Variants in USP49 observed in about 807,000 individuals in gnomAD.
USP49 encodes ubiquitin specific peptidase 49.
In USP49, 24 loss-of-function variants were observed where a neutral mutation model predicts 58.6. The ratio of observed to expected loss-of-function variants is 0.41; its 90% CI spans 0.30 to 0.58. The LOEUF is 0.58. Among genes scored for constraint, USP49 ranks in the 20% least tolerant of loss-of-function variants. USP49 has a pLI of 0.30. For synonymous variants in USP49, 408 were observed against 365.1 expected (o/e 1.12, Z -1.34); for missense variants, 703 against 866.1 (o/e 0.81, Z 2.36).
chr6:41,804,152 CTT>C (rs1380854026), intron 4 of USP49, 142 bp from the exon 5 acceptor site: 4 of 701,576 alleles, frequency 5.7e-6, no homozygotes, highest in Non-Finnish European at 9.1e-6. Context: ...ATAAACATAA[CTT>C]TAAAAGAATT....
intron 3 of USP49, among the ~76,000 whole-genome samples, chr6:41,822,725 G>A (rs7748543): frequency 6.6e-6 from 1 of 151,604 alleles, no homozygotes; most frequent in Non-Finnish European, 1.5e-5. Context: ...CGCGCCTGTC[G>A]TCTCAGCTAC....
At chr6:41,798,701 C>G in intron 7 of USP49, 23 bp downstream of exon 7, 7 of 1,613,860 alleles carry the variant, frequency 4.3e-6, no homozygotes, top group Non-Finnish European at 5.9e-6. Flanking sequence ...TGTCCCCCAC[C>G]CCACAGAGTA....
chr6:41,801,675 A>G (rs1772999642), intron 5 of USP49, among the ~76,000 whole-genome samples: 1 of 152,240 alleles, frequency 6.6e-6, no homozygotes, highest in Non-Finnish European at 1.5e-5. Flanking sequence ...TTTCCCTAAA[A>G]TGAAATTCAC....
intron 3 of USP49, among the ~76,000 whole-genome samples, chr6:41,820,272 T>A (rs1034094021): frequency 1.3e-5 from 2 of 152,078 alleles, no homozygotes; most frequent in African/African-American, 4.8e-5. Context: ...TTTTAATATA[T>A]GATATAGTTG....
At chr6:41,822,955 A>G (rs1773476616) in intron 3 of USP49, among the ~76,000 whole-genome samples, 1 of 152,230 alleles carries the variant, frequency 6.6e-6, no homozygotes, top group South Asian at 2.1e-4. Flanking sequence ...CAAAGAGATC[A>G]TTCATCATTC....
chr6:41,825,144 C>T (rs754627298), intron 3 of USP49, among the ~76,000 whole-genome samples: 4 of 152,192 alleles, frequency 2.6e-5, no homozygotes, highest in Non-Finnish European at 5.9e-5. Context: ...AAATATCAAC[C>T]TCCTGGTGTG....
At chr6:41,817,457 C>CTTTTTT (rs58559695) in intron 3 of USP49, among the ~76,000 whole-genome samples, 3 of 74,808 alleles carry the variant, frequency 4.0e-5, no homozygotes, top group African/African-American at 5.7e-5. Context: ...TTCTTTCTTT[C>CTTTTTT]TTTTTTTTTT....
At chr6:41,824,487 G>C (rs1773504729) in intron 3 of USP49, among the ~76,000 whole-genome samples, 1 of 151,708 alleles carries the variant, frequency 6.6e-6, no homozygotes, top group Admixed American at 6.6e-5. Context: ...GAGGCGGGCA[G>C]ATCACCTGAG....
chr6:41,802,574 G>A (rs6939597), intron 5 of USP49, among the ~76,000 whole-genome samples: 111,001 of 148,012 alleles, frequency 0.75, 41,860 homozygotes, highest in East Asian at 0.82. Flanking sequence ...GATTACAGGC[G>A]TGAGCCACTG....
At chr6:41,824,180 C>T (rs1773498708) in intron 3 of USP49, among the ~76,000 whole-genome samples, 1 of 152,096 alleles carries the variant, frequency 6.6e-6, no homozygotes, top group Non-Finnish European at 1.5e-5. Flanking sequence ...CTTACAGTAA[C>T]TGAGTCTCTA....
Position 41,886,025 on chromosome 6 carries a change from T to A in USP49, c.-103+5769A>T, listed in dbSNP as rs185581268. On this transcript the variant is annotated intron_variant, in intron 2 of 7. Transcript: ENST00000682992. ...TTCTAAAATATTTCTTTTAAGAGTATATTCAATTCCACGGTGATGTATTTG... is the reference window on the plus strand; with the variant it reads ...TTCTAAAATATTTCTTTTAAGAGTAAATTCAATTCCACGGTGATGTATTTG... Among the ~76,000 whole-genome samples the A allele has an allele frequency of 6.6e-5, 10 of 152,390 alleles. No individual in the cohort carries two copies. The East Asian group carries it at 1.9e-3, about 29-fold the overall frequency.
chr6:41,805,551 A>T (rs569924491), intron 4 of USP49, 77 bp downstream of exon 4: 25 of 1,471,888 alleles, frequency 1.7e-5, no homozygotes, highest in African/African-American at 5.6e-5. Flanking sequence ...TATTAGCCCA[A>T]TAACCCGGGG....
At chr6:41,812,781 A>G (rs911001656) in intron 3 of USP49, among the ~76,000 whole-genome samples, 1 of 152,200 alleles carries the variant, frequency 6.6e-6, no homozygotes, top group Non-Finnish European at 1.5e-5. Context: ...TTATTTCTCA[A>G]ATTCTTCCAC....
chr6:41,856,169 C>T (rs531874323), intron 3 of USP49, among the ~76,000 whole-genome samples: 5 of 152,112 alleles, frequency 3.3e-5, no homozygotes, highest in African/African-American at 1.2e-4. Flanking sequence ...GTCAGGAGAT[C>T]GAGACCATCC....
At chr6:41,859,130 T>C (rs1161289919) in intron 3 of USP49, among the ~76,000 whole-genome samples, 1 of 152,212 alleles carries the variant, frequency 6.6e-6, no homozygotes, top group African/African-American at 2.4e-5. Context: ...AAATATGTCA[T>C]TCTCACTGCC....
At chr6:41,880,114 G>C (rs950474000) in intron 2 of USP49, among the ~76,000 whole-genome samples, 2 of 151,064 alleles carry the variant, frequency 1.3e-5, no homozygotes, top group African/African-American at 4.9e-5. Flanking sequence ...AACAAAAATA[G>C]ATGACTATTA....
At chr6:41,875,435 G>C (rs368743716) in intron 2 of USP49, among the ~76,000 whole-genome samples, 23 of 152,160 alleles carry the variant, frequency 1.5e-4, no homozygotes, top group African/African-American at 5.6e-4. Context: ...GAGAGAAATA[G>C]CATCTTTGTC....
At chr6:41,824,712 CA>C (rs1561910140) in intron 3 of USP49, among the ~76,000 whole-genome samples, 1 of 151,936 alleles carries the variant, frequency 6.6e-6, no homozygotes, top group Admixed American at 6.6e-5. Flanking sequence ...GTCTCCAAAA[CA>C]AAAAACAAGA....
intron 3 of USP49, among the ~76,000 whole-genome samples, chr6:41,824,735 C>T (rs1773510535): frequency 6.7e-6 from 1 of 150,160 alleles, no homozygotes; most frequent in Admixed American, 6.6e-5. Context: ...CAAGCCCAAA[C>T]AAGAACAAGC....
Sources: allele counts gnomAD v4.1 joint callset (sites outside exome capture counted in the v4.1 genomes callset), GRCh38; gene constraint gnomAD v4.1.1; transcripts MANE v1.5; gene names NCBI Gene and HGNC (gene_info 2026-07-23, HGNC 2026-07-21).